The following USP45 variants were observed in gnomAD, a reference collection of about 807,000 sequenced individuals.
The protein encoded by USP45 is ubiquitin carboxyl-terminal hydrolase 45.
Under a neutral mutation model 95.8 loss-of-function variants are expected in USP45, and 89 were observed. That is an observed-to-expected ratio of 0.93 (90% confidence interval 0.78 to 1.11). The LOEUF (loss-of-function observed/expected upper bound fraction) is 1.11, where lower values mean the gene tolerates loss of function less well. Among genes scored for constraint, USP45 ranks in the 50% least tolerant of loss-of-function variants. The probability of loss-of-function intolerance (pLI) is 0.00; values close to 1 mark genes in which losing one functional copy is unlikely to be tolerated. For synonymous variants in USP45, 281 were observed against 316.2 expected (o/e 0.89, Z 1.18); for missense variants, 898 against 942.5 (o/e 0.95, Z 0.62).
intron 5 of USP45, among the ~76,000 whole-genome samples, chr6:99,500,147 G>C (rs2128770997): frequency 6.6e-6 from 1 of 152,034 alleles, no homozygotes; most frequent in East Asian, 1.9e-4. Context: ...TTTTTTTTGA[G>C]ACAGTCTCAC....
At chr6:99,453,173 G>GAAAAAAAAAAA (rs35773193) in intron 13 of USP45, among the ~76,000 whole-genome samples, 6 of 140,702 alleles carry the variant, frequency 4.3e-5, no homozygotes, top group African/African-American at 5.2e-5. Context: ...ACTTAAAAAA[G>GAAAAAAAAAAA]AAAAAAAAAA....
At chr6:99,479,361 C>T (rs1791740479) in intron 8 of USP45, among the ~76,000 whole-genome samples, 1 of 151,724 alleles carries the variant, frequency 6.6e-6, no homozygotes, top group African/African-American at 2.4e-5. Context: ...AGGTGTGCAC[C>T]ATCACACCTC....
At chr6:99,484,165 T>C (rs1032639772) in intron 7 of USP45, among the ~76,000 whole-genome samples, 7 of 150,982 alleles carry the variant, frequency 4.6e-5, no homozygotes, top group Non-Finnish European at 1.0e-4. Flanking sequence ...GACAGACTTT[T>C]GTGTTTTTTC....
chr6:99,436,929 G>A (rs997144955), intron 17 of USP45, among the ~76,000 whole-genome samples: 5 of 152,062 alleles, frequency 3.3e-5, no homozygotes, highest in African/African-American at 7.2e-5. Context: ...GCGAAACCCC[G>A]TCTCTACTAA....
intron 13 of USP45, chr6:99,460,734 T>C: frequency 2.1e-6 from 2 of 965,344 alleles, no homozygotes; most frequent in South Asian, 4.8e-5. Context: ...ATTTCTTCCA[T>C]GTAAATAAGA....
intron 9 of USP45, among the ~76,000 whole-genome samples, chr6:99,470,133 C>G (rs892864293): frequency 6.6e-6 from 1 of 152,014 alleles, no homozygotes; most frequent in Non-Finnish European, 1.5e-5. Context: ...GGTAAAGAAC[C>G]CAGATTGGAG....
chr6:99,486,620 G>T (rs1159042033), intron 7 of USP45, among the ~76,000 whole-genome samples: 1 of 41,442 alleles, frequency 2.4e-5, no homozygotes, highest in African/African-American at 2.8e-4. Flanking sequence ...ATAAAAAGGA[G>T]GTTATTATAT....
At chr6:99,442,889 T>C (rs1386638167) in intron 15 of USP45, among the ~76,000 whole-genome samples, 1 of 151,818 alleles carries the variant, frequency 6.6e-6, no homozygotes. Context: ...CTTGTTTTCT[T>C]GATAATTTGT....
At chr6:99,505,213 T>C (rs1389046625) in intron 4 of USP45, among the ~76,000 whole-genome samples, 1 of 152,218 alleles carries the variant, frequency 6.6e-6, no homozygotes, top group African/African-American at 2.4e-5. Context: ...CAAAAGCACA[T>C]TCCAATTCAG....
chr6:99,480,521 C>T (rs1345017008), intron 8 of USP45, among the ~76,000 whole-genome samples: 3 of 152,000 alleles, frequency 2.0e-5, no homozygotes, highest in Non-Finnish European at 4.4e-5. Context: ...AGTAAAAATA[C>T]AAAATTAGCC....
chr6:99,466,581 T>C, intron 11 of USP45, 91 bp downstream of exon 11: 1 of 1,067,584 alleles, frequency 9.4e-7, no homozygotes, highest in Non-Finnish European at 1.4e-6. Flanking sequence ...ATTTTAAAAA[T>C]GACTGCCAAT....
At chr6:99,495,001 G>C (rs1329691847) in intron 5 of USP45, among the ~76,000 whole-genome samples, 1 of 152,140 alleles carries the variant, frequency 6.6e-6, no homozygotes, top group Admixed American at 6.6e-5. Context: ...GGAGAGCAAA[G>C]ACTTTCAAAG....
chr6:99,477,974 G>A (rs1791294343), intron 8 of USP45, among the ~76,000 whole-genome samples: 1 of 152,140 alleles, frequency 6.6e-6, no homozygotes, highest in Non-Finnish European at 1.5e-5. Context: ...TCCAAGGAAG[G>A]CCAGTGAAGT....
In USP45 at chr6:99,437,310, A is replaced by C; in HGVS notation, c.2250T>G (p.Tyr750Ter). 6.2e-7 allele frequency: 1 copy of C among 1,613,966 alleles called. No homozygotes were observed. The highest frequency in any genetic ancestry group is 2.2e-5 in the East Asian group (1 of 44,850). Residue 750 changes from tyrosine to a stop codon, truncating the protein, a stop_gained, in exon 17 of 18, where the codon TAT (tyrosine) becomes TAG (stop). Transcript: ENST00000500704. LOFTEE classifies it high-confidence loss of function. ...GSMREGHYTA[Y>*]VKVRTPSRKL... ...TCCTGGAGGGTGTTCTCACTTTCAC[A>C]TAAGCAGTGTAGTGGCCTTCTCTCA...
At chr6:99,443,884 A>G (rs1199541955) in intron 14 of USP45, among the ~76,000 whole-genome samples, 1 of 152,214 alleles carries the variant, frequency 6.6e-6, no homozygotes, top group African/African-American at 2.4e-5. Flanking sequence ...AGAATAGGAG[A>G]GGTAACACGA....
At position 99,464,605 on chromosome 6, in the gene USP45, T is replaced by C; in HGVS notation, c.1307A>G (p.Lys436Arg). Residue 436 changes from lysine to arginine, a missense_variant and splice_region_variant, in exon 13 of 18, where the codon AAG becomes AGG. Lys to Arg is a conservative substitution (Grantham distance 26, BLOSUM62 2). Coordinates refer to ENST00000500704, the MANE Select transcript of USP45 (RefSeq NM_001346022.3). ...TCTAACAGATGCTTATGGTCTTACC[T>C]TATCTTTAGATGAAGAATGCTTCTT... Reference protein sequence around the residue: ...AAKKHSSSKDKSQLIHDRKCI... With the variant: ...AAKKHSSSKDRSQLIHDRKCI... 6.2e-7 allele frequency: 1 copy of C among 1,610,374 alleles called. No homozygotes were observed. Among genetic ancestry groups the C allele is most frequent in the Non-Finnish European group, 8.5e-7 (1 of 1,179,032 alleles).
chr6:99,510,231 C>T lies in USP45; in HGVS notation c.-10-1G>A, dbSNP rs1799487869. 6.2e-7 allele frequency: 1 copy of T among 1,608,566 alleles called. No homozygotes were observed. The highest frequency in any genetic ancestry group is 8.5e-7 in the Non-Finnish European group (1 of 1,176,924). On this transcript the variant is annotated splice_acceptor_variant, in intron 1 of 17. Transcript: ENST00000500704. LOFTEE classifies it low-confidence loss of function (5UTR_SPLICE). ...ATCTTTCACCCGCATCTGTTATTTA[C>T]TGAAGGGATTGAGGGAAAAAAATTC...
intron 13 of USP45, among the ~76,000 whole-genome samples, chr6:99,463,715 G>A (rs1004915517): frequency 6.7e-6 from 1 of 149,550 alleles, no homozygotes; most frequent in South Asian, 2.1e-4. Flanking sequence ...AGGAGGCTGA[G>A]GCAGGAGAAT....
chr6:99,435,979 G>T, intron 17 of USP45, 133 bp from the exon 18 acceptor site: 19 of 875,816 alleles, frequency 2.2e-5, no homozygotes, highest in South Asian at 9.4e-5. Context: ...GTTTTTTCTT[G>T]GGTTAAGCAT....
Sources: gnomAD v4.1 joint callset for allele counts (sites outside exome capture counted in the v4.1 genomes callset) on GRCh38, gnomAD v4.1.1 for gene constraint, MANE v1.5 for transcripts, NCBI Gene and HGNC (gene_info 2026-07-23, HGNC 2026-07-21) for gene names.